Variants in AGMO observed in about 807,000 individuals in gnomAD.
AGMO encodes alkylglycerol monooxygenase, also known as glyceryl-ether monooxygenase.
Under a neutral mutation model 60.2 loss-of-function variants are expected in AGMO, and 75 were observed. The observed-to-expected ratio is 1.25, with a 90% CI of 1.03 to 1.51. The LOEUF is 1.51. AGMO is among the 40% of genes most tolerant of loss of function. The pLI is 0.00. For synonymous variants in AGMO, 261 were observed against 177.1 expected (o/e 1.47, Z -3.76); for missense variants, 763 against 525.5 (o/e 1.45, Z -4.42).
chr7:15,312,506 G>A (rs997390038), intron 12 of AGMO, among the ~76,000 whole-genome samples: 7 of 127,054 alleles, frequency 5.5e-5, no homozygotes, highest in Non-Finnish European at 9.5e-5. Context: ...AAAAACAGCT[G>A]CCATTGTAGA....
At chr7:15,254,709 A>G (rs1463150323) in intron 12 of AGMO, among the ~76,000 whole-genome samples, 1 of 152,156 alleles carries the variant, frequency 6.6e-6, no homozygotes, top group Non-Finnish European at 1.5e-5. Flanking sequence ...GTCATTTTAA[A>G]AGATAAAGAA....
the AGMO span, among the ~76,000 whole-genome samples, chr7:15,164,129 C>T: frequency 3.4e-4 from 51 of 152,034 alleles, no homozygotes; most frequent in African/African-American, 8.4e-4. Context: ...ACAAAGTCAA[C>T]GAAAATATAG....
At chr7:15,280,145 G>A (rs139441847) in intron 12 of AGMO, among the ~76,000 whole-genome samples, 20 of 152,290 alleles carry the variant, frequency 1.3e-4, no homozygotes, top group Non-Finnish European at 2.1e-4. Flanking sequence ...TGGACTGGGA[G>A]GGGAATGGTC....
rs539582782 is a variant in AGMO, at chr7:15,528,938, G to A, written c.409+15834C>T. 2.6e-3 allele frequency among the ~76,000 whole-genome samples: 389 copies of A among 152,148 alleles called. 1 individual carries two copies. Among genetic ancestry groups the A allele is most frequent in the African/African-American group, 8.9e-3 (370 of 41,508 alleles). ...ACTGGGATTAGAGGCATGAGACACC[G>A]CGCCCGGCCAACCATTATTACAAGA... On this transcript the variant is annotated intron_variant, in intron 3 of 12. Coordinates refer to ENST00000342526, the MANE Select transcript of AGMO (RefSeq NM_001004320.2).
intron 12 of AGMO, among the ~76,000 whole-genome samples, chr7:15,330,073 C>T (rs952118551): frequency 1.3e-5 from 2 of 148,508 alleles, no homozygotes; most frequent in African/African-American, 2.5e-5. Context: ...TTTTTTCTTT[C>T]TATCTCTATT....
chr7:15,141,722 C>G, the AGMO span, among the ~76,000 whole-genome samples: 1 of 152,152 alleles, frequency 6.6e-6, no homozygotes, highest in Admixed American at 6.5e-5. Context: ...TGTTAAAACA[C>G]CTGATAGGTA....
chr7:15,485,938 C>T (rs1352892458), intron 3 of AGMO, among the ~76,000 whole-genome samples: 4 of 152,092 alleles, frequency 2.6e-5, no homozygotes, highest in African/African-American at 9.7e-5. Flanking sequence ...TTTCTGGTCT[C>T]ATTCAAGTGA....
chr7:15,349,392 T>G (rs1324692744), intron 12 of AGMO, among the ~76,000 whole-genome samples: 1 of 152,122 alleles, frequency 6.6e-6, no homozygotes, highest in Non-Finnish European at 1.5e-5. Flanking sequence ...TGATTATTCA[T>G]TTTTTTAGAT....
chr7:15,493,429 A>G (rs1480573423), intron 3 of AGMO, among the ~76,000 whole-genome samples: 5 of 124,058 alleles, frequency 4.0e-5, no homozygotes, highest in Non-Finnish European at 7.8e-5. Context: ...GCTGGAGTGC[A>G]GTGGCGCGAT....
intron 3 of AGMO, among the ~76,000 whole-genome samples, chr7:15,532,346 G>A (rs1036274559): frequency 1.4e-4 from 22 of 152,112 alleles, no homozygotes; most frequent in Admixed American, 4.6e-4. Flanking sequence ...TGAGATTAAC[G>A]GCCTTGGGCC....
chr7:15,462,040 A>G (rs908074051), intron 3 of AGMO, among the ~76,000 whole-genome samples: 18 of 146,802 alleles, frequency 1.2e-4, no homozygotes, highest in Non-Finnish European at 2.2e-4. Flanking sequence ...AGTGGGACCC[A>G]GAAGAATCCT....
chr7:15,200,077 A>C (rs922117621), downstream of AGMO, among the ~76,000 whole-genome samples: 1 of 152,172 alleles, frequency 6.6e-6, no homozygotes, highest in African/African-American at 2.4e-5. Context: ...CTCAATGAAG[A>C]ACAGCATTAG....
chr7:15,480,991 A>ATTAATTATGTT (rs1782733172), intron 3 of AGMO, among the ~76,000 whole-genome samples: 2 of 152,230 alleles, frequency 1.3e-5, no homozygotes, highest in South Asian at 2.1e-4. Flanking sequence ...ATGTTTATAC[A>ATTAATTATGTT]CAATTAATGT....
intron 12 of AGMO, among the ~76,000 whole-genome samples, chr7:15,218,636 A>AT (rs1362036360): frequency 6.6e-6 from 1 of 152,120 alleles, no homozygotes; most frequent in African/African-American, 2.4e-5. Flanking sequence ...TTTTGAAAAA[A>AT]TATATAGTTT....
chr7:15,233,297 G>A (rs533396424), intron 12 of AGMO, among the ~76,000 whole-genome samples: 51 of 152,278 alleles, frequency 3.3e-4, no homozygotes, highest in African/African-American at 1.2e-3. Context: ...CCAGCCACAG[G>A]TTGATAGTGT....
At chr7:15,258,692 C>T (rs1437474296) in intron 12 of AGMO, among the ~76,000 whole-genome samples, 6 of 152,214 alleles carry the variant, frequency 3.9e-5, no homozygotes, top group Non-Finnish European at 8.8e-5. Context: ...GCTACCTCTA[C>T]TGGAGCAGGG....
intron 12 of AGMO, among the ~76,000 whole-genome samples, chr7:15,282,069 A>G (rs1254505394): frequency 6.6e-6 from 1 of 152,134 alleles, no homozygotes; most frequent in African/African-American, 2.4e-5. Context: ...AAATTTTAAA[A>G]AACAATAAAA....
At chr7:15,470,082 T>C (rs1179829494) in intron 3 of AGMO, among the ~76,000 whole-genome samples, 1 of 152,026 alleles carries the variant, frequency 6.6e-6, no homozygotes, top group Admixed American at 6.6e-5. Flanking sequence ...GGTGAATGAC[T>C]GAGAGAGGGT....
At chr7:15,408,740 G>T (rs1784766389) in intron 5 of AGMO, among the ~76,000 whole-genome samples, 1 of 151,916 alleles carries the variant, frequency 6.6e-6, no homozygotes, top group South Asian at 2.1e-4. Flanking sequence ...TGCAACAACA[G>T]TAGGCAATTA....
Sources: allele counts gnomAD v4.1 joint callset (sites outside exome capture counted in the v4.1 genomes callset), GRCh38; gene constraint gnomAD v4.1.1; transcripts MANE v1.5; gene names NCBI Gene and HGNC (gene_info 2026-07-23, HGNC 2026-07-21).